Variants in KMT5A observed in about 807,000 individuals in gnomAD.
The protein encoded by KMT5A is lysine methyltransferase 5A.
Under a neutral mutation model 40.6 loss-of-function variants are expected in KMT5A, and 6 were observed. That is an observed-to-expected ratio of 0.15 (90% CI 0.08 to 0.29). The LOEUF is 0.29. KMT5A is among the 10% of genes least tolerant of loss of function. KMT5A has a pLI of 1.00. For missense variants in KMT5A, 308 were observed against 459.1 expected, an observed-to-expected ratio of 0.67 and a Z score of 3.01; for synonymous variants, 153 against 178.8, an observed-to-expected ratio of 0.86 and a Z score of 1.15.
rs770800496 is a variant in KMT5A, at chr12:123,384,217, C to T, written c.10+9C>T. The T allele has an allele frequency of 6.8e-6, 11 of 1,613,328 alleles. No homozygotes were observed. The Admixed American group carries it at 1.8e-4, about 27-fold the overall frequency. On this transcript the variant is annotated intron_variant, in intron 1 of 7. Coordinates refer to ENST00000402868, the MANE Select transcript of KMT5A (RefSeq NM_020382.7). The surrounding 1 kb of genome is among the most constrained non-coding windows in gnomAD (Gnocchi z 5.7). ...TGGAGCCATGGCTAGAGGTATTTGC[C>T]CAAGTGGCCGGCACCGGAGCGGCTG...
chr12:123,406,986 A>C (rs1045999856), intron 7 of KMT5A, among the ~76,000 whole-genome samples: 1 of 146,016 alleles, frequency 6.8e-6, no homozygotes, highest in Admixed American at 7.2e-5. Context: ...ACTGCACTCC[A>C]GCCTGGGCGA....
At chr12:123,390,184 G>A (rs1445417057) in intron 2 of KMT5A, 2 of 460,728 alleles carry the variant, frequency 4.3e-6, no homozygotes, top group Admixed American at 4.7e-5. Flanking sequence ...CTCTGGCTGT[G>A]CTGACAGGCC....
chr12:123,392,010 G>C (rs1208005595), intron 3 of KMT5A, among the ~76,000 whole-genome samples: 1 of 152,204 alleles, frequency 6.6e-6, no homozygotes, highest in East Asian at 1.9e-4. Context: ...AGGAGGCTTA[G>C]ATAGGTTGCT....
intron 5 of KMT5A, among the ~76,000 whole-genome samples, chr12:123,401,182 T>C (rs1265945463): frequency 8.1e-6 from 1 of 122,734 alleles, no homozygotes; most frequent in African/African-American, 3.2e-5. Flanking sequence ...GGAGTCTTGC[T>C]CTGTTGCCAA....
rs1167261391 is a variant in KMT5A at position 123,384,352 on chromosome 12, G to A, written c.10+144G>A. The A allele has an allele frequency of 6.0e-6, 7 of 1,176,226 alleles. No individual in the cohort carries two copies. In the African/African-American group the frequency reaches 9.2e-5, roughly 15 times the overall value. 72.9% of individuals were successfully genotyped at this position (1,176,226 alleles called of 1,614,324 possible). The stretch of plus-strand genomic sequence containing the variant: ...TGGGGACCCGCGTGGGGGGAGAGGG[G>A]GTGCTGCTGCGGAACCCGCCGGCCC... On this transcript the variant is annotated intron_variant, in intron 1 of 7. Coordinates refer to ENST00000402868, the MANE Select transcript of KMT5A (RefSeq NM_020382.7). This position sits in a 1 kb window ranked among gnomAD's most constrained non-coding sequence, Gnocchi z 5.7.
rs1002795663 is a variant in KMT5A, at chr12:123,408,477, A to G, written c.*774A>G. ...AACACTGAATTTATTTTAAAAAATA[A>G]TAATAAAAATTTAAAAAAATTAAAA... On this transcript the variant is annotated 3_prime_UTR_variant, in exon 8 of 8. Coordinates refer to ENST00000402868, the MANE Select transcript of KMT5A (RefSeq NM_020382.7). 6.6e-6 allele frequency: 1 copy of G among 150,564 alleles called. No individual in the cohort carries two copies. The highest frequency in any genetic ancestry group is 1.5e-5 in the Non-Finnish European group (1 of 67,814). 9.3% of individuals were successfully genotyped at this position (150,564 alleles called of 1,614,324 possible). A position where few individuals can be genotyped will look rare whatever the true frequency, so the allele number is the denominator to read the frequency against.
At chr12:123,401,684 C>A (rs546938395) in intron 5 of KMT5A, among the ~76,000 whole-genome samples, 1 of 151,920 alleles carries the variant, frequency 6.6e-6, no homozygotes, top group Non-Finnish European at 1.5e-5. Flanking sequence ...TGGGTTCAAG[C>A]GATTCTCCTG....
chr12:123,404,438 G>A (rs1878388833), intron 6 of KMT5A, among the ~76,000 whole-genome samples: 1 of 152,176 alleles, frequency 6.6e-6, no homozygotes, highest in Non-Finnish European at 1.5e-5. Flanking sequence ...AGAACACTGG[G>A]CCTGCTGTTT....
At chr12:123,395,611 C>G (rs1289060913) in intron 4 of KMT5A, among the ~76,000 whole-genome samples, 1 of 149,392 alleles carries the variant, frequency 6.7e-6, no homozygotes, top group Non-Finnish European at 1.5e-5. Flanking sequence ...GTTGCCCAGG[C>G]TGGAGTGCAA....
intron 5 of KMT5A, among the ~76,000 whole-genome samples, chr12:123,398,631 C>T (rs182560598): frequency 2.4e-4 from 36 of 152,344 alleles, no homozygotes; most frequent in South Asian, 6.2e-4. Flanking sequence ...GCTTTGCCCC[C>T]CACTGTTTGT....
intron 3 of KMT5A, among the ~76,000 whole-genome samples, chr12:123,393,300 C>CA (rs1877448960): frequency 6.6e-6 from 1 of 152,176 alleles, no homozygotes; most frequent in South Asian, 2.1e-4. Flanking sequence ...ACCATTACCA[C>CA]AGTCTAATTC....
chr12:123,401,144 CTTTTTTTTTTT>C (rs58431238), intron 5 of KMT5A, among the ~76,000 whole-genome samples: 5 of 75,678 alleles, frequency 6.6e-5, no homozygotes, highest in African/African-American at 1.6e-4. Flanking sequence ...ATATATCTTT[CTTTTTTTTTTT>C]TTTTTTTTTT....
At chr12:123,405,204 T>TA in intron 7 of KMT5A, 130 bp downstream of exon 7, 2 of 971,062 alleles carry the variant, frequency 2.1e-6, no homozygotes, top group Non-Finnish European at 2.9e-6. Flanking sequence ...TTTTTTTTTT[T>TA]ATTTTTTGAG....
rs1008237914 is a variant in KMT5A at position 123,407,936 on chromosome 12, T to G, written c.*233T>G. ...TACCAAAACTTTTATATTCTAGTTG[T>G]TTTTGTACTTTTTTTGCATACAAGC... On this transcript the variant is annotated 3_prime_UTR_variant, in exon 8 of 8. Coordinates refer to ENST00000402868, the MANE Select transcript of KMT5A (RefSeq NM_020382.7). 2.9e-5 allele frequency: 15 copies of G among 515,022 alleles called. No homozygotes were observed. Among genetic ancestry groups the G allele is most frequent in the African/African-American group, 2.1e-4 (11 of 52,266 alleles). The allele number at this position is 515,022 out of a possible 1,614,324, so 31.9% of individuals were successfully genotyped here. A position where few individuals can be genotyped will look rare whatever the true frequency, so the allele number is the denominator to read the frequency against.
At chr12:123,404,258 G>A (rs1878378081) in intron 6 of KMT5A, among the ~76,000 whole-genome samples, 1 of 152,132 alleles carries the variant, frequency 6.6e-6, no homozygotes, top group Admixed American at 6.6e-5. Flanking sequence ...TCTACAGTGG[G>A]GTTCAGATGG....
intron 5 of KMT5A, among the ~76,000 whole-genome samples, chr12:123,400,504 G>T (rs959631879): frequency 6.6e-6 from 1 of 151,658 alleles, no homozygotes; most frequent in African/African-American, 2.4e-5. Flanking sequence ...GGGATTATAG[G>T]CGCTTGCCAC....
At chr12:123,398,934 A>T (rs1191246880) in intron 5 of KMT5A, among the ~76,000 whole-genome samples, 2 of 152,230 alleles carry the variant, frequency 1.3e-5, no homozygotes, top group Non-Finnish European at 2.9e-5. Context: ...ACCTCCACTG[A>T]GGCTGAAGAC....
chr12:123,394,667 C>T (rs916970196), intron 3 of KMT5A, among the ~76,000 whole-genome samples: 1 of 152,186 alleles, frequency 6.6e-6, no homozygotes, highest in African/African-American at 2.4e-5. Context: ...CACCTTACTC[C>T]TGTCCCCTAA....
Position 123,407,952 on chromosome 12 carries a change from G to T in KMT5A, c.*249G>T. ...TTCTAGTTGTTTTTGTACTTTTTTT[G>T]CATACAAGCCGAACGTTTGTGCTTC... On this transcript the variant is annotated 3_prime_UTR_variant, in exon 8 of 8. Transcript: ENST00000402868. 2.1e-6 allele frequency: 1 copy of T among 480,940 alleles called. No individual in the cohort carries two copies. Among genetic ancestry groups the T allele is most frequent in the Non-Finnish European group, 3.7e-6 (1 of 268,408 alleles). 29.8% of individuals were successfully genotyped at this position (480,940 alleles called of 1,614,324 possible). A position where few individuals can be genotyped will look rare whatever the true frequency, so the allele number is the denominator to read the frequency against.
Sources: allele counts gnomAD v4.1 joint callset (sites outside exome capture counted in the v4.1 genomes callset), GRCh38; gene constraint gnomAD v4.1.1; non-coding constraint Gnocchi (gnomAD v3.1); transcripts MANE v1.5; gene names NCBI Gene and HGNC (gene_info 2026-07-23, HGNC 2026-07-21).